Variants in RELN observed in about 807,000 individuals in gnomAD.
The protein encoded by RELN is reelin.
A neutral mutation model predicts 427.6 loss-of-function variants in RELN; 108 were observed. The observed-to-expected ratio is 0.25, with a 90% CI of 0.22 to 0.30. RELN has a LOEUF of 0.30. Ranked by LOEUF, RELN falls within the 10% of genes least tolerant of loss-of-function variation. The pLI is 1.00. For missense variants in RELN, 3,715 were observed against 4,302.8 expected (o/e 0.86, Z 3.82); for synonymous variants, 1,524 against 1,513.4 (o/e 1.01, Z -0.16).
intron 2 of RELN, among the ~76,000 whole-genome samples, chr7:103,915,380 T>A (rs1795461515): frequency 6.6e-6 from 1 of 152,184 alleles, no homozygotes; most frequent in African/African-American, 2.4e-5. Context: ...CTATGACATA[T>A]TTACATGACC....
At position 103,654,088 on chromosome 7, in the gene RELN, T is replaced by G; in HGVS notation, c.1554+5A>C. Reference sequence around the variant, plus strand: ...TCTATTTGCCACACAGACTGGCATGTGTACCTTATATGAGGAATAGGAAAG... The same window carrying G: ...TCTATTTGCCACACAGACTGGCATGGGTACCTTATATGAGGAATAGGAAAG... On this transcript the variant is annotated splice_donor_5th_base_variant and intron_variant, in intron 13 of 64. Coordinates refer to ENST00000428762, the MANE Select transcript of RELN (RefSeq NM_005045.4). The G allele has an allele frequency of 6.6e-7, 1 of 1,514,512 alleles. No individual in the cohort carries two copies. Among genetic ancestry groups the G allele is most frequent in the Non-Finnish European group, 9.2e-7 (1 of 1,089,612 alleles). The allele number at this position is 1,514,512 out of a possible 1,614,324, so 93.8% of individuals were successfully genotyped here.
intron 2 of RELN, among the ~76,000 whole-genome samples, chr7:103,857,419 T>C (rs1409268316): frequency 6.6e-6 from 1 of 152,220 alleles, no homozygotes; most frequent in East Asian, 1.9e-4. Flanking sequence ...TTGCCCTCTT[T>C]TAAGCAGACT....
At chr7:103,933,928 C>T (rs1164488134) in intron 1 of RELN, among the ~76,000 whole-genome samples, 1 of 152,170 alleles carries the variant, frequency 6.6e-6, no homozygotes, top group Non-Finnish European at 1.5e-5. Context: ...AGGGTTCCTT[C>T]GCTAAAACAC....
intron 7 of RELN, among the ~76,000 whole-genome samples, chr7:103,726,295 G>T (rs1410445938): frequency 6.6e-6 from 1 of 152,070 alleles, no homozygotes; most frequent in African/African-American, 2.4e-5. Flanking sequence ...ATAAAATGTG[G>T]ACATCATCGC....
At chr7:103,733,235 A>G (rs1176660583) in intron 6 of RELN, among the ~76,000 whole-genome samples, 2 of 151,950 alleles carry the variant, frequency 1.3e-5, no homozygotes, top group Non-Finnish European at 1.5e-5. Context: ...CAAAACCACA[A>G]TGAGATACCA....
chr7:103,742,580 T>C (rs1191846561), intron 6 of RELN, among the ~76,000 whole-genome samples: 1 of 152,044 alleles, frequency 6.6e-6, no homozygotes, highest in Non-Finnish European at 1.5e-5. Flanking sequence ...AAGGAGCTGA[T>C]GGAGCTGAAA....
At chr7:103,663,910 A>G (rs2073557) in intron 11 of RELN, among the ~76,000 whole-genome samples, 85,744 of 151,486 alleles carry the variant, frequency 0.57, 24,488 homozygotes, top group South Asian at 0.64. Context: ...TAGAGGACTG[A>G]CCTCTATGGC....
intron 13 of RELN, 84 bp from the exon 14 acceptor site, chr7:103,652,843 G>A (rs1222724647): frequency 3.3e-6 from 4 of 1,203,360 alleles, no homozygotes; most frequent in Non-Finnish European, 4.9e-6. Context: ...CCTAATGAAC[G>A]CTATGTACAT....
intron 11 of RELN, among the ~76,000 whole-genome samples, chr7:103,678,271 T>TA (rs1181240866): frequency 6.6e-6 from 1 of 152,220 alleles, no homozygotes; most frequent in African/African-American, 2.4e-5. Context: ...ACCTTCCACC[T>TA]AAAGACAGCC....
intron 64 of RELN, among the ~76,000 whole-genome samples, chr7:103,476,339 G>A (rs1285823583): frequency 6.6e-6 from 1 of 152,028 alleles, no homozygotes; most frequent in African/African-American, 2.4e-5. Context: ...GGCACGCCAG[G>A]CATGGTGGTA....
chr7:103,627,284 C>T (rs764698097), intron 20 of RELN, among the ~76,000 whole-genome samples: 5 of 152,074 alleles, frequency 3.3e-5, no homozygotes, highest in Admixed American at 2.0e-4. Flanking sequence ...AAAGGTTTTA[C>T]ATTTAAAAAA....
rs1317145565 is a variant in RELN, at chr7:103,572,178, G to A, written c.4588+6C>T. The A allele has an allele frequency of 2.0e-6, 3 of 1,514,382 alleles. No individual in the cohort carries two copies. Among genetic ancestry groups the A allele is most frequent in the African/African-American group, 2.7e-5 (2 of 72,754 alleles). 93.8% of individuals were successfully genotyped at this position (1,514,382 alleles called of 1,614,324 possible). ...CTGTAATTTCCATGGAAATACAGCA[G>A]CTTACCTTCATTTCTAGTTCTTGGT... On this transcript the variant is annotated splice_donor_region_variant and intron_variant, in intron 31 of 64. Coordinates refer to ENST00000428762, the MANE Select transcript of RELN (RefSeq NM_005045.4).
At chr7:103,936,948 T>A (rs1796001179) in intron 1 of RELN, among the ~76,000 whole-genome samples, 1 of 152,234 alleles carries the variant, frequency 6.6e-6, no homozygotes, top group Non-Finnish European at 1.5e-5. Context: ...AATCTTTTAT[T>A]TCATTTGTTC....
intron 21 of RELN, 113 bp downstream of exon 21, chr7:103,611,498 T>A (rs1012663654): frequency 3.8e-6 from 3 of 793,260 alleles, no homozygotes; most frequent in African/African-American, 3.5e-5. Context: ...TAAATAACAC[T>A]GTTTCTTTTC....
chr7:103,728,530 T>C (rs1790270693), intron 6 of RELN, among the ~76,000 whole-genome samples: 1 of 152,128 alleles, frequency 6.6e-6, no homozygotes, highest in Non-Finnish European at 1.5e-5. Flanking sequence ...TGAGAGATTA[T>C]ATACAAAACA....
chr7:103,904,097 C>A (rs1795141983), intron 2 of RELN, among the ~76,000 whole-genome samples: 1 of 152,104 alleles, frequency 6.6e-6, no homozygotes, highest in African/African-American at 2.4e-5. Flanking sequence ...TAAGTGAGAA[C>A]ATGCAGTGTT....
At chr7:103,832,917 T>TC (rs1793309954) in intron 3 of RELN, among the ~76,000 whole-genome samples, 1 of 152,112 alleles carries the variant, frequency 6.6e-6, no homozygotes, top group African/African-American at 2.4e-5. Context: ...TTGTAACCCG[T>TC]CTTCACCATA....
intron 20 of RELN, among the ~76,000 whole-genome samples, chr7:103,629,306 C>T (rs932498026): frequency 2.6e-5 from 4 of 152,074 alleles, no homozygotes; most frequent in African/African-American, 7.2e-5. Context: ...TAATTAAATT[C>T]GCATATGACC....
chr7:103,749,737 A>C (rs150311975), intron 5 of RELN, among the ~76,000 whole-genome samples: 1 of 152,226 alleles, frequency 6.6e-6, no homozygotes, highest in East Asian at 1.9e-4. Flanking sequence ...AAGGAAATCT[A>C]TGAAGCTATC....
Sources: allele counts gnomAD v4.1 joint callset (sites outside exome capture counted in the v4.1 genomes callset), GRCh38; gene constraint gnomAD v4.1.1; transcripts MANE v1.5; gene names NCBI Gene and HGNC (gene_info 2026-07-23, HGNC 2026-07-21).